The following RALYL variants were observed in gnomAD, a reference collection of about 807,000 sequenced individuals.
RALYL encodes the protein RNA-binding Raly-like protein.
A neutral mutation model predicts 35.1 loss-of-function variants in RALYL; 29 were observed. The ratio of observed to expected loss-of-function variants is 0.83; its 90% CI spans 0.61 to 1.13. The LOEUF is 1.13. Ranked by LOEUF, RALYL falls within the 50% of genes most tolerant of loss-of-function variation. The pLI is 0.00. For synonymous variants in RALYL, 120 were observed against 127.6 expected (o/e 0.94, Z 0.40); for missense variants, 359 against 360.4 (o/e 1.00, Z 0.03).
rs60428128 is a variant in RALYL at position 84,615,570 on chromosome 8, C to CTTTTT, written c.256+86019_256+86023dup. Among the ~76,000 whole-genome samples the CTTTTT allele has an allele frequency of 1.6e-3, 111 of 67,350 alleles. 1 individual carries two copies. The highest frequency in any genetic ancestry group is 1.9e-3 in the Non-Finnish European group (72 of 37,298). 44.2% of individuals were successfully genotyped at this position (67,350 alleles called of 152,430 possible). A position where few individuals can be genotyped will look rare whatever the true frequency, so the allele number is the denominator to read the frequency against. Reference sequence around the variant, plus strand: ...GAGAGCCTGACTATAGAACTTTCGTCTTTTTTTTTTTTTTTTTTTTTTTTT... The same window carrying CTTTTT: ...GAGAGCCTGACTATAGAACTTTCGTCTTTTTTTTTTTTTTTTTTTTTTTTTTTTTT... On this transcript the variant is annotated intron_variant, in intron 2 of 8. Transcript: ENST00000521268.
chr8:84,864,471 G>A (rs867357363), intron 6 of RALYL, among the ~76,000 whole-genome samples: 6 of 152,248 alleles, frequency 3.9e-5, no homozygotes, highest in Admixed American at 1.3e-4. Flanking sequence ...TATTCAGCAT[G>A]TTATAATTGT....
chr8:84,402,224 C>G (rs982452935), intron 1 of RALYL, among the ~76,000 whole-genome samples: 1 of 152,066 alleles, frequency 6.6e-6, no homozygotes, highest in Non-Finnish European at 1.5e-5. Flanking sequence ...GTGAGTCATC[C>G]TTATACACAA....
intron 1 of RALYL, among the ~76,000 whole-genome samples, chr8:84,327,324 C>G (rs1438485968): frequency 1.3e-5 from 2 of 151,874 alleles, no homozygotes; most frequent in Non-Finnish European, 1.5e-5. Flanking sequence ...AAAACAAGCT[C>G]TATTATGGAA....
chr8:84,697,784 A>G (rs776101589), intron 2 of RALYL, among the ~76,000 whole-genome samples: 2 of 151,846 alleles, frequency 1.3e-5, no homozygotes, highest in South Asian at 2.1e-4. Context: ...TTTCCCCGCT[A>G]TGTGTCCATA....
intron 8 of RALYL, among the ~76,000 whole-genome samples, chr8:84,904,935 G>A (rs1264111515): frequency 6.6e-6 from 1 of 152,116 alleles, no homozygotes; most frequent in African/African-American, 2.4e-5. Context: ...CCAGTGAAGA[G>A]AGACTGAATG....
chr8:84,874,483 G>T (rs1840770494), intron 7 of RALYL, among the ~76,000 whole-genome samples: 1 of 152,096 alleles, frequency 6.6e-6, no homozygotes, highest in African/African-American at 2.4e-5. Flanking sequence ...GTTCTCCTCA[G>T]AGCTTTGTCC....
chr8:84,810,273 T>G (rs768751274), intron 4 of RALYL, among the ~76,000 whole-genome samples: 18 of 152,154 alleles, frequency 1.2e-4, no homozygotes, highest in Non-Finnish European at 2.1e-4. Flanking sequence ...CCTATTTAAT[T>G]TCAATGTATT....
chr8:84,506,509 A>T (rs2057177078), intron 1 of RALYL, among the ~76,000 whole-genome samples: 1 of 152,174 alleles, frequency 6.6e-6, no homozygotes. Context: ...AATATTTTGT[A>T]AAGTATTCGG....
At chr8:84,294,708 G>A (rs1308863714) in intron 1 of RALYL, among the ~76,000 whole-genome samples, 1 of 151,956 alleles carries the variant, frequency 6.6e-6, no homozygotes, top group Non-Finnish European at 1.5e-5. Context: ...GTGACTCACA[G>A]AAGTCACACT....
chr8:84,860,193 T>C (rs942498900), intron 5 of RALYL, among the ~76,000 whole-genome samples: 6 of 152,240 alleles, frequency 3.9e-5, no homozygotes, highest in African/African-American at 1.2e-4. Flanking sequence ...TGAACTTTAC[T>C]TGGCCTGTAT....
intron 1 of RALYL, among the ~76,000 whole-genome samples, chr8:84,396,696 G>A (rs528554292): frequency 6.6e-6 from 1 of 151,732 alleles, no homozygotes; most frequent in African/African-American, 2.4e-5. Flanking sequence ...TTAATTAATA[G>A]AGATTAGCAA....
intron 2 of RALYL, among the ~76,000 whole-genome samples, chr8:84,621,080 G>A (rs917000039): frequency 6.6e-5 from 10 of 152,224 alleles, no homozygotes; most frequent in Non-Finnish European, 1.3e-4. Context: ...GGAGCCTACA[G>A]AGGCAGGCAG....
At chr8:84,592,167 C>CTCTAAATT (rs1183337738) in intron 2 of RALYL, among the ~76,000 whole-genome samples, 2 of 152,102 alleles carry the variant, frequency 1.3e-5, no homozygotes, top group Non-Finnish European at 2.9e-5. Context: ...TCCAAAAGGC[C>CTCTAAATT]AGGTCCTCTA....
chr8:84,190,301 A>G (rs977310392), intron 1 of RALYL, among the ~76,000 whole-genome samples: 3 of 152,178 alleles, frequency 2.0e-5, no homozygotes, highest in African/African-American at 7.2e-5. Flanking sequence ...AGCTCATTTT[A>G]TGTTAGTAAC....
chr8:84,229,482 C>G (rs756127258), intron 1 of RALYL, among the ~76,000 whole-genome samples: 14 of 152,308 alleles, frequency 9.2e-5, no homozygotes, highest in Non-Finnish European at 1.6e-4. Flanking sequence ...CACTAGAAGA[C>G]AACTTGGAAC....
chr8:84,829,647 ACT>A (rs1446942815), intron 4 of RALYL, among the ~76,000 whole-genome samples: 1 of 152,116 alleles, frequency 6.6e-6, no homozygotes, highest in Non-Finnish European at 1.5e-5. Context: ...AACCAAACAC[ACT>A]GTCAATCAAG....
chr8:84,580,563 C>T (rs933191188), intron 2 of RALYL, among the ~76,000 whole-genome samples: 1 of 152,164 alleles, frequency 6.6e-6, no homozygotes, highest in African/African-American at 2.4e-5. Context: ...ATGACCCAAA[C>T]ATTGTCCATT....
intron 3 of RALYL, among the ~76,000 whole-genome samples, chr8:84,777,967 A>C (rs1817241225): frequency 6.6e-6 from 1 of 152,142 alleles, no homozygotes. Flanking sequence ...TATCTGTAAA[A>C]TGCGAGAGGG....
chr8:84,530,940 G>A (rs2059238005), intron 2 of RALYL, among the ~76,000 whole-genome samples: 1 of 152,054 alleles, frequency 6.6e-6, no homozygotes, highest in African/African-American at 2.4e-5. Flanking sequence ...TCAGACAACA[G>A]GTCTTTGCTA....
Sources: gnomAD v4.1 joint callset for allele counts (sites outside exome capture counted in the v4.1 genomes callset) on GRCh38, gnomAD v4.1.1 for gene constraint, MANE v1.5 for transcripts, NCBI Gene and HGNC (gene_info 2026-07-23, HGNC 2026-07-21) for gene names.